Variants in CD83 observed in about 807,000 individuals in gnomAD.
The protein encoded by CD83 is CD83 molecule.
Under a neutral mutation model 24.6 loss-of-function variants are expected in CD83, and 22 were observed. That is an observed-to-expected ratio of 0.90 (90% confidence interval 0.64 to 1.28). The LOEUF is 1.28. Among genes scored for constraint, CD83 ranks in the 50% most tolerant of loss-of-function variants. The pLI is 0.00. For synonymous variants in CD83, 101 were observed against 103.5 expected, an observed-to-expected ratio of 0.98 and a Z score of 0.14; for missense variants, 253 against 252.8, an observed-to-expected ratio of 1.00 and a Z score of -0.01.
Position 14,133,880 on chromosome 6 carries a change from C to T in CD83, c.489+125C>T. On this transcript the variant is annotated intron_variant, in intron 4 of 4. Coordinates refer to ENST00000379153, the MANE Select transcript of CD83 (RefSeq NM_004233.4). Reference sequence around the variant, plus strand: ...GAGAGATTATTCTTTGAACCCTGGACTTTTTGAGGCCCCTAGACTGGGAGA... The same window carrying T: ...GAGAGATTATTCTTTGAACCCTGGATTTTTTGAGGCCCCTAGACTGGGAGA... 4 of 601,468 alleles carry T rather than the reference C, an allele frequency of 6.7e-6. No individual in the cohort carries two copies. The Admixed American group carries it at 8.7e-5, about 13-fold the overall frequency. 37.3% of individuals were successfully genotyped at this position (601,468 alleles called of 1,614,324 possible).
In CD83 at chr6:14,117,817, G is replaced by T. The variant is rs1355832919; in HGVS notation, c.6G>T (p.Ser2=). 6.4e-7 allele frequency: 1 copy of T among 1,560,694 alleles called. No individual in the cohort carries two copies. The highest frequency in any genetic ancestry group is 8.6e-7 in the Non-Finnish European group (1 of 1,160,656). Residue 2 remains serine (S), a synonymous_variant, in exon 1 of 5, where the codon TCG becomes TCT. Transcript: ENST00000379153. This position sits in a 1 kb window ranked among gnomAD's most constrained non-coding sequence, Gnocchi z 4.6. ...AGCGGCGCAGCGCTCCAGCCATGTCGCGCGGCCTCCAGCTTCTGCTCCTGA... is the reference window on the plus strand; with the variant it reads ...AGCGGCGCAGCGCTCCAGCCATGTCTCGCGGCCTCCAGCTTCTGCTCCTGA... M[S]RGLQLLLLSC...
chr6:14,133,811 C>A, intron 4 of CD83, 56 bp downstream of exon 4: 1 of 1,123,442 alleles, frequency 8.9e-7, no homozygotes, highest in Non-Finnish European at 1.3e-6. Flanking sequence ...GGGCACCAAT[C>A]CAAGTATCTC....
At chr6:14,134,061 T>G (rs1561833238) in intron 4 of CD83, among the ~76,000 whole-genome samples, 1 of 152,238 alleles carries the variant, frequency 6.6e-6, no homozygotes, top group Admixed American at 6.5e-5. Context: ...GGCGCAGTGC[T>G]AGAAGTTGCA....
In CD83 at chr6:14,129,971, C is replaced by A. The variant is rs1464474238; in HGVS notation, c.154-1549C>A. ...CTCTTTCCCTACACTGAGTTCCTTC[C>A]TAAAAGTCAGAGAAGAGTTGTAGGG... is the stretch of plus-strand genomic sequence containing the variant. On this transcript the variant is annotated intron_variant, in intron 2 of 4. Transcript: ENST00000379153. The surrounding 1 kb of genome is among the most constrained non-coding windows in gnomAD (Gnocchi z 4.3). 1.3e-5 allele frequency among the ~76,000 whole-genome samples: 2 copies of A among 151,978 alleles called. No homozygotes were observed. The highest frequency in any genetic ancestry group is 4.8e-5 in the African/African-American group (2 of 41,352).
rs2113397157 is a variant in CD83 at position 14,128,396 on chromosome 6, C to G, written c.154-3124C>G. On this transcript the variant is annotated intron_variant, in intron 2 of 4. Coordinates refer to ENST00000379153, the MANE Select transcript of CD83 (RefSeq NM_004233.4). ...ACGCCTTTTGCAGCTGTGGATAAAC[C>G]CCAAATTCCACAGCTGGGGGTCACA... 2.0e-5 allele frequency among the ~76,000 whole-genome samples: 3 copies of G among 152,246 alleles called. No individual in the cohort carries two copies. The South Asian group carries it at 6.2e-4, about 32-fold the overall frequency.
chr6:14,127,146 G>A (rs560410169), intron 2 of CD83, among the ~76,000 whole-genome samples: 6 of 151,998 alleles, frequency 3.9e-5, no homozygotes, highest in Middle Eastern at 3.4e-3. Flanking sequence ...CCACTACCAC[G>A]CCCAGCTAAT....
intron 2 of CD83, among the ~76,000 whole-genome samples, chr6:14,127,358 G>C (rs1759842742): frequency 6.6e-6 from 1 of 151,494 alleles, no homozygotes; most frequent in Non-Finnish European, 1.5e-5. Flanking sequence ...CTCTTTTTTT[G>C]CTATAAAATG....
intron 2 of CD83, among the ~76,000 whole-genome samples, chr6:14,122,955 A>G (rs1759701623): frequency 6.6e-6 from 1 of 152,232 alleles, no homozygotes; most frequent in African/African-American, 2.4e-5. Flanking sequence ...AGACTTAAAC[A>G]GCAGATATGG....
intron 2 of CD83, among the ~76,000 whole-genome samples, chr6:14,126,432 C>T (rs1472605793): frequency 2.6e-5 from 4 of 152,140 alleles, no homozygotes; most frequent in Admixed American, 6.5e-5. Flanking sequence ...CTATCCAAGC[C>T]TGAGAGTGGT....
intron 2 of CD83, among the ~76,000 whole-genome samples, chr6:14,125,598 G>T (rs1185275232): frequency 6.6e-6 from 1 of 152,174 alleles, no homozygotes; most frequent in East Asian, 1.9e-4. Context: ...CCTGAGTTAA[G>T]TTGCCTCCTC....
intron 2 of CD83, among the ~76,000 whole-genome samples, chr6:14,122,339 T>G (rs923923556): frequency 3.9e-5 from 6 of 152,104 alleles, no homozygotes; most frequent in Non-Finnish European, 8.8e-5. Flanking sequence ...TTTGGTGGAG[T>G]TATGTTTTCT....
intron 2 of CD83, among the ~76,000 whole-genome samples, chr6:14,128,167 G>A (rs1317598108): frequency 3.9e-5 from 6 of 152,172 alleles, no homozygotes; most frequent in African/African-American, 1.4e-4. Context: ...TGGCCCATTT[G>A]CTGTTACTCC....
intron 2 of CD83, among the ~76,000 whole-genome samples, chr6:14,128,277 T>G (rs775833911): frequency 1.3e-5 from 2 of 152,184 alleles, no homozygotes; most frequent in African/African-American, 4.8e-5. Flanking sequence ...GCCACGTATC[T>G]GATGATAATG....
intron 2 of CD83, among the ~76,000 whole-genome samples, chr6:14,127,431 A>G (rs1311362905): frequency 6.6e-6 from 1 of 152,118 alleles, no homozygotes; most frequent in Non-Finnish European, 1.5e-5. Flanking sequence ...TTTGGATAAA[A>G]TTATGTAAAC....
chr6:14,121,944 C>G (rs1759680565), intron 2 of CD83, among the ~76,000 whole-genome samples: 1 of 152,022 alleles, frequency 6.6e-6, no homozygotes, highest in Non-Finnish European at 1.5e-5. Context: ...ATCATTTATC[C>G]CAGAGTTGCA....
chr6:14,128,701 C>T (rs757181271), intron 2 of CD83, among the ~76,000 whole-genome samples: 1 of 152,140 alleles, frequency 6.6e-6, no homozygotes, highest in Admixed American at 6.5e-5. Flanking sequence ...TTCTGCAGGT[C>T]GCTTTGAGGT....
rs373931910 is a variant in CD83, at chr6:14,117,937, C to T, written c.38-13C>T. On this transcript the variant is annotated splice_polypyrimidine_tract_variant and intron_variant, in intron 1 of 4. Coordinates refer to ENST00000379153, the MANE Select transcript of CD83 (RefSeq NM_004233.4). The surrounding 1 kb of genome is among the most constrained non-coding windows in gnomAD (Gnocchi z 4.6). ...CGGTCGCTTGCTCACGACGCGCTCT[C>T]TCTTTCTTGTAGCCTACAGCCTGGC... 6.8e-5 allele frequency: 109 copies of T among 1,604,560 alleles called. No homozygotes were observed. In the African/African-American group the frequency reaches 1.3e-3, roughly 18 times the overall value.
rs1052692037 is a variant in CD83 at position 14,136,065 on chromosome 6, G to A, written c.*829G>A. 6.6e-6 allele frequency: 1 copy of A among 152,268 alleles called. No homozygotes were observed. Among genetic ancestry groups the A allele is most frequent in the Non-Finnish European group, 1.5e-5 (1 of 68,072 alleles). 9.4% of individuals were successfully genotyped at this position (152,268 alleles called of 1,614,324 possible). A position where few individuals can be genotyped will look rare whatever the true frequency, so the allele number is the denominator to read the frequency against. On this transcript the variant is annotated 3_prime_UTR_variant, in exon 5 of 5. Coordinates refer to ENST00000379153, the MANE Select transcript of CD83 (RefSeq NM_004233.4). ...CTGGAAATGCTGGGCTGACGGTGCAGTCTGGGTGCTCGCCCACTTGTCCCA... is the reference window on the plus strand; with the variant it reads ...CTGGAAATGCTGGGCTGACGGTGCAATCTGGGTGCTCGCCCACTTGTCCCA...
intron 2 of CD83, 140 bp from the exon 3 acceptor site, chr6:14,131,380 G>GTC (rs1757896070): frequency 1.6e-6 from 1 of 641,296 alleles, no homozygotes; most frequent in South Asian, 1.9e-5. Flanking sequence ...TCCCCCAGAG[G>GTC]TCACACACAC....
Sources: gnomAD v4.1 joint callset for allele counts (sites outside exome capture counted in the v4.1 genomes callset) on GRCh38, gnomAD v4.1.1 for gene constraint, Gnocchi (gnomAD v3.1) non-coding constraint, MANE v1.5 for transcripts, NCBI Gene and HGNC (gene_info 2026-07-23, HGNC 2026-07-21) for gene names.